Variants in IL1RAPL1 observed in about 807,000 individuals in gnomAD.
IL1RAPL1 encodes the protein interleukin-1 receptor accessory protein-like 1.
In IL1RAPL1, 3 loss-of-function variants were observed where a neutral mutation model predicts 48.4. The observed-to-expected ratio is 0.06, with a 90% CI of 0.03 to 0.16. The LOEUF (loss-of-function observed/expected upper bound fraction) is 0.16. Ranked by LOEUF, IL1RAPL1 falls within the 10% of genes least tolerant of loss-of-function variation. The pLI is 1.00. For missense variants in IL1RAPL1, 349 were observed against 530.6 expected (o/e 0.66, Z 3.36); for synonymous variants, 185 against 187.7 (o/e 0.99, Z 0.12).
At chrX:29,280,258 A>G (rs949780895) in intron 2 of IL1RAPL1, among the ~76,000 whole-genome samples, 5 of 112,032 alleles carry the variant, frequency 4.5e-5, no homozygotes, top group African/African-American at 1.3e-4. Flanking sequence ...TTAACGTGGT[A>G]TGCCAGCTCT....
chrX:29,581,092 A>C (rs1401879457), intron 5 of IL1RAPL1, among the ~76,000 whole-genome samples: 1 of 112,476 alleles, frequency 8.9e-6, no homozygotes, highest in African/African-American at 3.2e-5. Flanking sequence ...CATTATGTCA[A>C]GTATTCCTTT....
intron 2 of IL1RAPL1, among the ~76,000 whole-genome samples, chrX:29,254,437 G>A (rs1931719627): frequency 9.2e-6 from 1 of 108,219 alleles, no homozygotes; most frequent in Admixed American, 1.0e-4. Context: ...ATGTGTAGAT[G>A]GGTTTGTGTG....
In IL1RAPL1 at chrX:28,659,079, G is replaced by T. The variant is rs1934785806; in HGVS notation, c.-25+71032G>T. 11 of 675,236 alleles carry T rather than the reference G, an allele frequency of 1.6e-5. No homozygotes were observed. The East Asian group carries it at 3.6e-4, about 22-fold the overall frequency. The allele number at this position is 675,236 out of a possible 1,213,427, so 55.6% of individuals were successfully genotyped here. The stretch of plus-strand genomic sequence containing the variant: ...GTGGATTCTTAAGCACGTTCTCCAC[G>T]TATGCAGCCTGCTAGCTTGATGTCT... On this transcript the variant is annotated intron_variant, in intron 1 of 10. Coordinates refer to ENST00000378993, the MANE Select transcript of IL1RAPL1 (RefSeq NM_014271.4).
chrX:29,568,666 A>T (rs964135448), intron 5 of IL1RAPL1, among the ~76,000 whole-genome samples: 1 of 111,466 alleles, frequency 9.0e-6, no homozygotes, highest in Non-Finnish European at 1.9e-5. Flanking sequence ...TATATAAAAT[A>T]TGGAGGACAT....
chrX:28,901,586 G>A (rs1444625072), intron 2 of IL1RAPL1, among the ~76,000 whole-genome samples: 1 of 111,448 alleles, frequency 9.0e-6, no homozygotes, highest in African/African-American at 3.3e-5. Context: ...TGTTGTGAGA[G>A]TCTCTTGCCC....
At chrX:29,159,700 A>T (rs1406553914) in intron 2 of IL1RAPL1, among the ~76,000 whole-genome samples, 3 of 111,757 alleles carry the variant, frequency 2.7e-5, no homozygotes, top group Non-Finnish European at 5.6e-5. Context: ...TCTAGGATTA[A>T]TTTCCAGATT....
At chrX:29,168,090 G>A (rs1194984040) in intron 2 of IL1RAPL1, among the ~76,000 whole-genome samples, 1 of 109,132 alleles carries the variant, frequency 9.2e-6, no homozygotes, top group Non-Finnish European at 1.9e-5. Flanking sequence ...TAAATATTGG[G>A]GTACAATATG....
At chrX:28,680,526 T>C (rs899975469) in intron 1 of IL1RAPL1, among the ~76,000 whole-genome samples, 9 of 111,702 alleles carry the variant, frequency 8.1e-5, no homozygotes, top group Non-Finnish European at 1.3e-4. Flanking sequence ...CCTAGCTTTA[T>C]ATCAGATCTT....
At position 29,079,443 on chromosome X, in the gene IL1RAPL1, C is replaced by A. The variant is rs1927753715; in HGVS notation, c.83-203495C>A. ...TCACATTTCACTTTTCCGGGGGACA[C>A]CATTCCCATTGTTGTGAAATGCAAA... On this transcript the variant is annotated intron_variant, in intron 2 of 10. Transcript: ENST00000378993. Among the ~76,000 whole-genome samples, 4 of 110,268 alleles carry A rather than the reference C, an allele frequency of 3.6e-5. No individual in the cohort carries two copies. In the South Asian group the frequency reaches 1.6e-3, roughly 43 times the overall value.
intron 5 of IL1RAPL1, among the ~76,000 whole-genome samples, chrX:29,624,782 GTTGCAATGAGCCAAGA>G (rs1488124715): frequency 2.7e-5 from 3 of 111,419 alleles, no homozygotes; most frequent in Admixed American, 9.5e-5. Context: ...GGAGGTCAAG[GTTGCAATGAGCCAAGA>G]TTGCCCCCAC....
intron 5 of IL1RAPL1, among the ~76,000 whole-genome samples, chrX:29,460,085 T>C (rs1267266171): frequency 2.7e-5 from 3 of 111,838 alleles, no homozygotes; most frequent in African/African-American, 6.5e-5. Context: ...TATGCACCAG[T>C]ACTTTTAACG....
chrX:29,182,648 T>C (rs1930169335), intron 2 of IL1RAPL1, among the ~76,000 whole-genome samples: 1 of 111,218 alleles, frequency 9.0e-6, no homozygotes, highest in Non-Finnish European at 1.9e-5. Context: ...AAACATTGTT[T>C]TGTCATTTGG....
At chrX:28,645,239 C>T (rs1462122575) in intron 1 of IL1RAPL1, among the ~76,000 whole-genome samples, 4 of 99,116 alleles carry the variant, frequency 4.0e-5, no homozygotes, top group East Asian at 3.4e-4. Flanking sequence ...CCCAGCTACT[C>T]GGGAGGCTGA....
chrX:29,416,462 G>A (rs974495733), intron 5 of IL1RAPL1, among the ~76,000 whole-genome samples: 6 of 110,941 alleles, frequency 5.4e-5, no homozygotes, highest in Middle Eastern at 4.7e-3. Context: ...CTTGAACTTG[G>A]GGGGGCAGAG....
At chrX:29,415,048 G>A (rs190053625) in intron 5 of IL1RAPL1, among the ~76,000 whole-genome samples, 1,210 of 111,815 alleles carry the variant, frequency 0.011, 15 homozygotes, top group African/African-American at 0.037. Flanking sequence ...AGTTTTAAGA[G>A]TAAAATATAA....
chrX:29,003,024 GA>G (rs1320268187), intron 2 of IL1RAPL1, among the ~76,000 whole-genome samples: 1 of 110,564 alleles, frequency 9.0e-6, no homozygotes, highest in African/African-American at 3.3e-5. Context: ...ACAAACAAGG[GA>G]AAAAAATCAA....
chrX:29,081,018 CTCTTTCTTTTCTTTTCTTTTCT>C (rs756419493), intron 2 of IL1RAPL1, among the ~76,000 whole-genome samples: 21 of 54,347 alleles, frequency 3.9e-4, no homozygotes, highest in Non-Finnish European at 6.2e-4. Context: ...CTCTCTCTCT[CTCTTTCTTTTCTTTTCTTTTCT>C]TTTCTTTTCT....
intron 6 of IL1RAPL1, among the ~76,000 whole-genome samples, chrX:29,746,046 A>G (rs369119710): frequency 1.8e-5 from 2 of 111,704 alleles, no homozygotes; most frequent in African/African-American, 6.5e-5. Context: ...TATTAGTGCA[A>G]TTGTCAAGAG....
chrX:29,773,667 T>A (rs1929122822), intron 6 of IL1RAPL1, among the ~76,000 whole-genome samples: 1 of 111,585 alleles, frequency 9.0e-6, no homozygotes, highest in Non-Finnish European at 1.9e-5. Flanking sequence ...AGACTTGACT[T>A]CTGTCTGAGC....
Sources: allele counts gnomAD v4.1 joint callset (sites outside exome capture counted in the v4.1 genomes callset), GRCh38; gene constraint gnomAD v4.1.1; transcripts MANE v1.5; gene names NCBI Gene and HGNC (gene_info 2026-07-23, HGNC 2026-07-21).